The following MAPK10 variants were observed in gnomAD, a reference collection of about 807,000 sequenced individuals.
MAPK10 encodes mitogen-activated protein kinase 10.
Under a neutral mutation model 59.3 loss-of-function variants are expected in MAPK10, and 25 were observed. The ratio of observed to expected loss-of-function variants is 0.42; its 90% CI spans 0.31 to 0.59. MAPK10 has a LOEUF of 0.59. Ranked by LOEUF, MAPK10 falls within the 20% of genes least tolerant of loss-of-function variation. MAPK10 has a pLI of 0.15. For missense variants in MAPK10, 351 were observed against 568.9 expected (o/e 0.62, Z 3.90); for synonymous variants, 190 against 200.5 (o/e 0.95, Z 0.44).
At chr4:86,382,614 A>G (rs1193471916) in intron 1 of MAPK10, among the ~76,000 whole-genome samples, 1 of 152,206 alleles carries the variant, frequency 6.6e-6, no homozygotes, top group Non-Finnish European at 1.5e-5. Context: ...GTGTAACTAA[A>G]TTAAGAATGA....
At chr4:86,323,968 A>G (rs1343043268) in intron 2 of MAPK10, among the ~76,000 whole-genome samples, 1 of 152,226 alleles carries the variant, frequency 6.6e-6, no homozygotes, top group Admixed American at 6.5e-5. Context: ...CCAAATCTAA[A>G]TAGTATAATA....
intron 1 of MAPK10, among the ~76,000 whole-genome samples, chr4:86,402,446 T>C (rs1354475064): frequency 1.3e-5 from 2 of 152,276 alleles, no homozygotes; most frequent in East Asian, 1.9e-4. Context: ...GTCCAATCAG[T>C]GCAGAAAATA....
chr4:86,332,788 TGA>T (rs2096185007), intron 2 of MAPK10: 2 of 152,192 alleles, frequency 1.3e-5, no homozygotes, highest in Non-Finnish European at 2.9e-5. Flanking sequence ...AAGCCCTGGG[TGA>T]AAGCACTCCA....
rs576202910 is a variant in MAPK10 at position 86,247,612 on chromosome 4, G to A, written c.-6-53205C>T. ...ATAAATCAACAAATTACCATAATAG[G>A]TGATGGTGCTATAATAGATAAACAC... On this transcript the variant is annotated intron_variant, in intron 2 of 13. Coordinates refer to ENST00000641462, the MANE Select transcript of MAPK10 (RefSeq NM_138982.4). Among the ~76,000 whole-genome samples the A allele has an allele frequency of 2.3e-4, 35 of 151,832 alleles. No homozygotes were observed. In the South Asian group the frequency reaches 3.7e-3, roughly 16 times the overall value.
At chr4:86,157,524 G>C (rs1256538357) in intron 4 of MAPK10, among the ~76,000 whole-genome samples, 1 of 151,848 alleles carries the variant, frequency 6.6e-6, no homozygotes, top group African/African-American at 2.4e-5. Context: ...GGATTGCATG[G>C]AACATTCAAG....
chr4:86,406,880 T>A (rs1744432589), intron 1 of MAPK10, among the ~76,000 whole-genome samples: 1 of 152,212 alleles, frequency 6.6e-6, no homozygotes, highest in Admixed American at 6.5e-5. Context: ...TACGACAGCA[T>A]GTAGTTAACA....
chr4:86,034,004 C>T (rs1203419778), intron 11 of MAPK10, among the ~76,000 whole-genome samples: 33 of 152,150 alleles, frequency 2.2e-4, no homozygotes, highest in Admixed American at 2.2e-3. Flanking sequence ...TGTGCTCTTT[C>T]CCTATCTTAT....
intron 1 of MAPK10, among the ~76,000 whole-genome samples, chr4:86,488,254 T>G (rs1385266952): frequency 6.6e-6 from 1 of 152,162 alleles, no homozygotes; most frequent in East Asian, 1.9e-4. Context: ...GCCACAGACA[T>G]TATCCTTTTA....
chr4:86,320,730 A>C (rs560033784), intron 2 of MAPK10, among the ~76,000 whole-genome samples: 3 of 152,180 alleles, frequency 2.0e-5, no homozygotes, highest in Non-Finnish European at 4.4e-5. Flanking sequence ...GAAGCCTTGC[A>C]CATGCCTATG....
At chr4:86,384,467 G>A (rs865913035) in intron 1 of MAPK10, among the ~76,000 whole-genome samples, 2 of 152,122 alleles carry the variant, frequency 1.3e-5, no homozygotes, top group South Asian at 2.1e-4. Context: ...GGACTCCCCC[G>A]AACTTTATTC....
chr4:86,205,396 G>A (rs1305873978), intron 2 of MAPK10, among the ~76,000 whole-genome samples: 4 of 151,944 alleles, frequency 2.6e-5, no homozygotes, highest in Non-Finnish European at 5.9e-5. Flanking sequence ...CGATCACAGT[G>A]AGAGATTTTA....
chr4:86,270,473 CTCAA>C (rs993739823), intron 2 of MAPK10, among the ~76,000 whole-genome samples: 1 of 151,904 alleles, frequency 6.6e-6, no homozygotes, highest in Admixed American at 6.6e-5. Flanking sequence ...ATTTTACAGT[CTCAA>C]TCAAAATTTT....
chr4:86,191,927 T>C (rs905423908), intron 3 of MAPK10: 3 of 152,148 alleles, frequency 2.0e-5, no homozygotes, highest in Non-Finnish European at 4.4e-5. Context: ...CCTTTCCGTA[T>C]TTAGTGCTCC....
chr4:86,339,867 C>T (rs2148935530), intron 2 of MAPK10, among the ~76,000 whole-genome samples: 1 of 152,292 alleles, frequency 6.6e-6, no homozygotes, highest in East Asian at 1.9e-4. Flanking sequence ...AGCTAATATT[C>T]AATGAGCAAT....
At position 86,471,166 on chromosome 4, in the gene MAPK10, G is replaced by A. The variant is rs577271124; in HGVS notation, c.-262-116522C>T. Among the ~76,000 whole-genome samples, 21 of 151,740 alleles carry A rather than the reference G, an allele frequency of 1.4e-4. No individual in the cohort carries two copies. In the South Asian group the frequency reaches 3.5e-3, roughly 26 times the overall value. On this transcript the variant is annotated intron_variant, in intron 1 of 4. Coordinates refer to the MAPK10 transcript ENST00000502302. The stretch of plus-strand genomic sequence containing the variant: ...TGCCTGTAATCCCAATTACTCAGGA[G>A]GCTGAGGCAGGAGAATTGCTTGAAC...
intron 2 of MAPK10, among the ~76,000 whole-genome samples, chr4:86,241,743 G>C (rs1323039202): frequency 6.6e-6 from 1 of 152,000 alleles, no homozygotes; most frequent in African/African-American, 2.4e-5. Flanking sequence ...TTTTATCAAG[G>C]TTCTTGGCTT....
At chr4:86,394,374 G>A (rs1399737942) in intron 1 of MAPK10, among the ~76,000 whole-genome samples, 1 of 152,102 alleles carries the variant, frequency 6.6e-6, no homozygotes, top group Non-Finnish European at 1.5e-5. Context: ...ATTTCAGAAT[G>A]AAAGCTATTG....
intron 1 of MAPK10, among the ~76,000 whole-genome samples, chr4:86,552,502 AAAGG>A (rs771664348): frequency 0.12 from 3,940 of 32,774 alleles, 336 homozygotes; most frequent in African/African-American, 0.16. Flanking sequence ...GGAGGGAAGG[AAAGG>A]AAGGAAGGAA....
At chr4:86,371,351 C>T (rs1738721391) in intron 1 of MAPK10, among the ~76,000 whole-genome samples, 1 of 152,190 alleles carries the variant, frequency 6.6e-6, no homozygotes, top group African/African-American at 2.4e-5. Context: ...TATCAACCAT[C>T]CACAGTGTGC....
Sources: allele counts gnomAD v4.1 joint callset (sites outside exome capture counted in the v4.1 genomes callset), GRCh38; gene constraint gnomAD v4.1.1; transcripts MANE v1.5; gene names NCBI Gene and HGNC (gene_info 2026-07-23, HGNC 2026-07-21).